Variants in CLIC5 observed in about 807,000 individuals in gnomAD.
CLIC5 encodes CLIC family member 5.
A neutral mutation model predicts 24.7 loss-of-function variants in CLIC5; 20 were observed. The observed-to-expected ratio is 0.81, with a 90% CI of 0.57 to 1.18. The LOEUF (loss-of-function observed/expected upper bound fraction) is 1.18, where lower values mean the gene tolerates loss of function less well. Ranked by LOEUF, CLIC5 falls within the 50% of genes most tolerant of loss-of-function variation. CLIC5 has a pLI of 0.00. For missense variants in CLIC5, 341 were observed against 326.1 expected, an observed-to-expected ratio of 1.05 and a Z score of -0.35; for synonymous variants, 159 against 135.6, an observed-to-expected ratio of 1.17 and a Z score of -1.20.
In CLIC5 at chr6:45,884,444, TG is replaced by T. The variant is rs548945337; in HGVS notation, c.624-3257del. 1.7e-4 allele frequency among the ~76,000 whole-genome samples: 26 copies of T among 152,274 alleles called. No individual in the cohort carries two copies. In the East Asian group the frequency reaches 4.8e-3, roughly 28 times the overall value. ...TGACACCAGCATCCCTAGCAGGACT[TG>T]GAAGAAGGGGGCAGCGGAATATGTA... On this transcript the variant is annotated intron_variant, in intron 6 of 6. Coordinates refer to the CLIC5 transcript ENST00000644324.
chr6:46,043,834 A>T (rs1445291257), intron 1 of CLIC5, among the ~76,000 whole-genome samples: 2 of 152,216 alleles, frequency 1.3e-5, no homozygotes, highest in African/African-American at 4.8e-5. Flanking sequence ...TATGGCAAGG[A>T]GCTCTCTGTA....
intron 4 of CLIC5, among the ~76,000 whole-genome samples, chr6:45,939,818 G>GT (rs773706517): frequency 0.037 from 5,348 of 143,122 alleles, 119 homozygotes; most frequent in African/African-American, 0.055. Flanking sequence ...TTAAAAACAA[G>GT]TTTTTTTTTT....
At chr6:46,120,029 C>T in the CLIC5 span, among the ~76,000 whole-genome samples, 3 of 152,336 alleles carry the variant, frequency 2.0e-5, no homozygotes, top group South Asian at 2.1e-4. Context: ...AAACAAAAGG[C>T]AGCAAAAACC....
intron 1 of CLIC5, among the ~76,000 whole-genome samples, chr6:46,044,603 C>T (rs942045608): frequency 3.3e-5 from 5 of 152,066 alleles, no homozygotes; most frequent in South Asian, 2.1e-4. Flanking sequence ...AGAGCAGACC[C>T]GCTTGACAGT....
At chr6:45,958,422 T>TTATATATATATATA (rs35922936) in intron 1 of CLIC5, among the ~76,000 whole-genome samples, 1 of 8,376 alleles carries the variant, frequency 1.2e-4, no homozygotes, top group Non-Finnish European at 3.0e-4. Flanking sequence ...AAAAAGACAA[T>TTATATATATATATA]TATATATATA....
chr6:46,119,268 C>A, the CLIC5 span, among the ~76,000 whole-genome samples: 1,411 of 152,302 alleles, frequency 9.3e-3, 31 homozygotes, highest in African/African-American at 0.033. Flanking sequence ...ATCCTGAATC[C>A]ATTTCCTGAC....
the CLIC5 span, among the ~76,000 whole-genome samples, chr6:46,095,730 A>C: frequency 6.6e-6 from 1 of 152,224 alleles, no homozygotes; most frequent in Non-Finnish European, 1.5e-5. Context: ...ATACTCTAGG[A>C]AGTCCCAAAC....
rs1762525425 is a variant in CLIC5 at position 45,902,093 on chromosome 6, A to G, written c.*995T>C. 6.6e-6 allele frequency: 1 copy of G among 152,664 alleles called. No homozygotes were observed. The highest frequency in any genetic ancestry group is 2.4e-5 in the African/African-American group (1 of 41,458). 9.5% of individuals were successfully genotyped at this position (152,664 alleles called of 1,614,324 possible). A position where few individuals can be genotyped will look rare whatever the true frequency, so the allele number is the denominator to read the frequency against. ...AGCAGTTACATGATGCCACCAGTCC[A>G]AGACTTAGATCATGAGAGAAGGCCT... On this transcript the variant is annotated 3_prime_UTR_variant, in exon 6 of 6. Transcript: ENST00000339561.
At chr6:46,054,072 G>A (rs1002915749) in intron 1 of CLIC5, among the ~76,000 whole-genome samples, 3 of 152,120 alleles carry the variant, frequency 2.0e-5, no homozygotes, top group African/African-American at 7.2e-5. Flanking sequence ...AGCTCCAGGT[G>A]GGGGTAGGCT....
At chr6:45,946,988 G>C (rs1764310070) in intron 3 of CLIC5, among the ~76,000 whole-genome samples, 1 of 152,226 alleles carries the variant, frequency 6.6e-6, no homozygotes, top group Non-Finnish European at 1.5e-5. Context: ...GTCCAGAGAA[G>C]GACCTGGACC....
intron 6 of CLIC5, among the ~76,000 whole-genome samples, chr6:45,885,024 A>G (rs1052897922): frequency 4.5e-5 from 5 of 110,586 alleles, no homozygotes; most frequent in African/African-American, 1.7e-4. Context: ...AAGACAATTC[A>G]GTTGAGAGAT....
chr6:46,055,073 C>A (rs539388553), intron 1 of CLIC5, among the ~76,000 whole-genome samples: 1 of 152,282 alleles, frequency 6.6e-6, no homozygotes, highest in Non-Finnish European at 1.5e-5. Flanking sequence ...TCTAAATTCC[C>A]GAAGAACATT....
At chr6:45,914,812 A>G (rs1762961834) in intron 4 of CLIC5, among the ~76,000 whole-genome samples, 1 of 144,516 alleles carries the variant, frequency 6.9e-6, no homozygotes, top group Non-Finnish European at 1.5e-5. Flanking sequence ...TTAGCTGGGC[A>G]TGGTGGCACG....
the CLIC5 span, among the ~76,000 whole-genome samples, chr6:46,120,518 A>C: frequency 3.3e-4 from 50 of 152,252 alleles, no homozygotes; most frequent in African/African-American, 1.2e-3. Context: ...TCTAAAAATC[A>C]GAGTGCCTCT....
At chr6:46,093,440 T>C in the CLIC5 span, among the ~76,000 whole-genome samples, 12 of 152,144 alleles carry the variant, frequency 7.9e-5, no homozygotes, top group Non-Finnish European at 1.5e-4. Context: ...TCCCAAAGGA[T>C]ACTAATATGA....
At chr6:45,951,236 T>A (rs534799137) in intron 2 of CLIC5, among the ~76,000 whole-genome samples, 1 of 152,196 alleles carries the variant, frequency 6.6e-6, no homozygotes, top group East Asian at 1.9e-4. Context: ...ACAGTGCATT[T>A]CTCCCCCCTG....
chr6:45,995,182 C>A (rs1184291078), intron 1 of CLIC5, among the ~76,000 whole-genome samples: 4 of 152,168 alleles, frequency 2.6e-5, no homozygotes, highest in Admixed American at 6.5e-5. Context: ...TGGCCTTGAA[C>A]AAGCCACTTA....
intron 1 of CLIC5, among the ~76,000 whole-genome samples, chr6:45,979,525 C>T (rs1168429866): frequency 1.3e-5 from 2 of 152,234 alleles, no homozygotes; most frequent in South Asian, 4.1e-4. Context: ...TTCCAGCCTT[C>T]TGCCTTGTCC....
At chr6:46,093,643 C>T in the CLIC5 span, among the ~76,000 whole-genome samples, 5 of 152,324 alleles carry the variant, frequency 3.3e-5, no homozygotes, top group Non-Finnish European at 7.3e-5. Context: ...ATGAGGATGT[C>T]TGAGTGCCTG....
Sources: gnomAD v4.1 joint callset for allele counts (sites outside exome capture counted in the v4.1 genomes callset) on GRCh38, gnomAD v4.1.1 for gene constraint, MANE v1.5 for transcripts, NCBI Gene and HGNC (gene_info 2026-07-23, HGNC 2026-07-21) for gene names.